The following BRI3 variants were observed in gnomAD, a reference collection of about 807,000 sequenced individuals.
BRI3 encodes membrane protein BRI3.
In BRI3, 6 loss-of-function variants were observed where a neutral mutation model predicts 12.8. The ratio of observed to expected loss-of-function variants is 0.47; its 90% confidence interval spans 0.26 to 0.93. The LOEUF (loss-of-function observed/expected upper bound fraction) is 0.93, where lower values mean the gene tolerates loss of function less well. Among genes scored for constraint, BRI3 ranks in the 40% least tolerant of loss-of-function variants. The pLI is 0.15. For missense variants in BRI3, 134 were observed against 171.1 expected (o/e 0.78, Z 1.21); for synonymous variants, 91 against 76.1 (o/e 1.20, Z -1.02).
downstream of BRI3, among the ~76,000 whole-genome samples, chr7:98,296,559 GGTT>G (rs1800199994): frequency 6.6e-6 from 1 of 152,220 alleles, no homozygotes; most frequent in African/African-American, 2.4e-5. Flanking sequence ...GGGAGGCAGA[GGTT>G]GTGGTGAGCT....
downstream of BRI3, chr7:98,293,460 A>C (rs939231694): frequency 6.7e-7 from 1 of 1,482,622 alleles, no homozygotes. Context: ...GGCAGACAGG[A>C]TGCGCCCATC....
chr7:98,317,470 C>T, the BRI3 span: 1 of 1,339,840 alleles, frequency 7.5e-7, no homozygotes, highest in Non-Finnish European at 1.0e-6. Context: ...GACACCCTCA[C>T]TTCACACCAT....
chr7:98,299,612 C>A (rs1258262486), intron 1 of BRI3, among the ~76,000 whole-genome samples: 1 of 152,172 alleles, frequency 6.6e-6, no homozygotes, highest in Non-Finnish European at 1.5e-5. Flanking sequence ...CCACCTTGGC[C>A]TTCCAAGTAG....
intron 2 of BRI3, among the ~76,000 whole-genome samples, chr7:98,284,200 TG>T (rs915226238): frequency 6.6e-6 from 1 of 152,138 alleles, no homozygotes; most frequent in African/African-American, 2.4e-5. Flanking sequence ...TGGACAAGGT[TG>T]GGGGGTCCTT....
downstream of BRI3, among the ~76,000 whole-genome samples, chr7:98,293,776 C>T (rs137928445): frequency 1.2e-4 from 18 of 152,348 alleles, no homozygotes; most frequent in East Asian, 3.5e-3. Flanking sequence ...ATTCCTACAC[C>T]ATACCACCTG....
upstream of BRI3, among the ~76,000 whole-genome samples, chr7:98,304,839 G>A (rs534143876): frequency 9.9e-5 from 15 of 151,378 alleles, no homozygotes; most frequent in African/African-American, 3.2e-4. Flanking sequence ...TGTTTTTAGT[G>A]GTTTCTAAAC....
chr7:98,303,032 G>T (rs947570769), upstream of BRI3, among the ~76,000 whole-genome samples: 1 of 152,138 alleles, frequency 6.6e-6, no homozygotes. Context: ...TGATCCTCCT[G>T]CCTTGGCCTC....
intron 1 of BRI3, among the ~76,000 whole-genome samples, chr7:98,299,734 G>A (rs75017268): frequency 0.013 from 2,034 of 152,230 alleles, 17 homozygotes; most frequent in Non-Finnish European, 0.022. Flanking sequence ...ACCACTAGCT[G>A]TATATGGCTA....
chr7:98,314,775 G>A (rs183244115), downstream of BRI3, among the ~76,000 whole-genome samples: 11 of 152,274 alleles, frequency 7.2e-5, no homozygotes, highest in Non-Finnish European at 1.5e-4. Flanking sequence ...GCCCAGGTGG[G>A]GTAGACCTGG....
At chr7:98,290,340 C>T (rs947064595) in intron 2 of BRI3, among the ~76,000 whole-genome samples, 17 of 151,708 alleles carry the variant, frequency 1.1e-4, no homozygotes, top group South Asian at 2.1e-4. Context: ...GGACTACAGG[C>T]GCCCGCCACC....
chr7:98,291,166 C>T lies in BRI3; in HGVS notation c.301C>T (p.Leu101Phe), dbSNP rs752273619. Residue 101 changes from leucine (L) to phenylalanine (F), a missense_variant, in exon 3 of 3, where the codon CTC becomes TTC. Coordinates refer to ENST00000297290, the MANE Select transcript of BRI3 (RefSeq NM_015379.5). ...TFLGIFLAIILFPFGFICCFA... is the reference protein window; with the variant it reads ...TFLGIFLAIIFFPFGFICCFA... Reference sequence around the variant, plus strand: ...CCTGGGCATCTTCCTGGCCATCATCCTCTTCCCCTTTGGGTTCATTTGCTG... The same window carrying T: ...CCTGGGCATCTTCCTGGCCATCATCTTCTTCCCCTTTGGGTTCATTTGCTG... 5.0e-6 allele frequency: 8 copies of T among 1,614,236 alleles called. No homozygotes were observed. Among genetic ancestry groups the T allele is most frequent in the African/African-American group, 1.3e-5 (1 of 75,054 alleles).
Position 98,282,031 on chromosome 7 carries a change from G to C in BRI3, c.142+94G>C, listed in dbSNP as rs566942684. 7 of 1,306,244 alleles carry C rather than the reference G, an allele frequency of 5.4e-6. No individual in the cohort carries two copies. In the East Asian group the frequency reaches 2.1e-4, roughly 40 times the overall value. 80.9% of individuals were successfully genotyped at this position (1,306,244 alleles called of 1,614,324 possible). ...CCGGAGGCGGGTGGGGCCCGCCCGG[G>C]GGTCCTTCCTGGAGCTGGAGGTCCC... is the stretch of plus-strand genomic sequence containing the variant. On this transcript the variant is annotated intron_variant, in intron 1 of 2. Transcript: ENST00000297290.
Position 98,306,891 on chromosome 7 carries a change from A to G in BRI3, n.144+226A>G, listed in dbSNP as rs1800678376. The G allele has an allele frequency of 2.1e-5, 4 of 188,922 alleles. No homozygotes were observed. The South Asian group carries it at 4.2e-4, about 20-fold the overall frequency. The allele number at this position is 188,922 out of a possible 1,614,324, so 11.7% of individuals were successfully genotyped here. On this transcript the variant is annotated intron_variant and non_coding_transcript_variant, in intron 1 of 1. Coordinates refer to the BRI3 transcript ENST00000485422. Reference sequence around the variant, plus strand: ...CTAGCTAAAAAGCAATATATGTTGTATGTATAACATTAATTTGATTTGGAT... The same window carrying G: ...CTAGCTAAAAAGCAATATATGTTGTGTGTATAACATTAATTTGATTTGGAT...
chr7:98,282,664 G>A, intron 2 of BRI3: 1 of 543,760 alleles, frequency 1.8e-6, no homozygotes, highest in Non-Finnish European at 3.3e-6. Flanking sequence ...CATTTTGTGG[G>A]GGCAAAAGGG....
chr7:98,290,924 T>G (rs1010263701), intron 2 of BRI3, among the ~76,000 whole-genome samples, 187 bp from the exon 3 acceptor site: 2 of 152,152 alleles, frequency 1.3e-5, no homozygotes, highest in African/African-American at 4.8e-5. Context: ...CAGCTGGTTC[T>G]TGGGGCTCTC....
At chr7:98,293,367 G>A (rs550275872), downstream of BRI3, 3 of 680,222 alleles carry the variant, frequency 4.4e-6, no homozygotes, top group African/African-American at 1.8e-5. Flanking sequence ...ACCCAACTAC[G>A]TGAAACAGAG....
At chr7:98,307,948 G>A (rs1800723355) in exon 2 of BRI3, 1 of 1,537,134 alleles carries the variant, frequency 6.5e-7, no homozygotes, top group African/African-American at 1.4e-5. Context: ...AGAATCAATA[G>A]GCACATTCCA....
upstream of BRI3, chr7:98,304,288 A>T: frequency 6.2e-7 from 1 of 1,613,676 alleles, no homozygotes; most frequent in Non-Finnish European, 8.5e-7. Flanking sequence ...GCCCCCATGG[A>T]CAAGCATTCC....
At chr7:98,288,872 G>A (rs1356979108) in intron 2 of BRI3, among the ~76,000 whole-genome samples, 1 of 151,892 alleles carries the variant, frequency 6.6e-6, no homozygotes, top group Non-Finnish European at 1.5e-5. Flanking sequence ...AGTTGCAGGC[G>A]TGAGCCACGG....
Sources: allele counts gnomAD v4.1 joint callset (sites outside exome capture counted in the v4.1 genomes callset), GRCh38; gene constraint gnomAD v4.1.1; transcripts MANE v1.5; gene names NCBI Gene and HGNC (gene_info 2026-07-23, HGNC 2026-07-21).